The following POLE variants were observed in gnomAD, a reference collection of about 807,000 sequenced individuals.
POLE encodes DNA polymerase epsilon catalytic subunit A.
In POLE, 188 loss-of-function variants were observed where a neutral mutation model predicts 279.2. That is an observed-to-expected ratio of 0.67 (90% CI 0.60 to 0.76). The LOEUF (loss-of-function observed/expected upper bound fraction) is 0.76, where lower values mean the gene tolerates loss of function less well. POLE is among the 30% of genes least tolerant of loss of function. POLE has a pLI of 0.00. For synonymous variants in POLE, 1,214 were observed against 1,172.5 expected (o/e 1.04, Z -0.72); for missense variants, 2,703 against 3,016.7 (o/e 0.90, Z 2.44).
At chr12:132,658,705 C>T (rs1183873373) in intron 26 of POLE, 2 of 155,414 alleles carry the variant, frequency 1.3e-5, no homozygotes, top group African/African-American at 4.8e-5. Flanking sequence ...ATGATCCACT[C>T]GGCTCCATCA....
At chr12:132,672,934 AGG>A (rs2042964601) in intron 14 of POLE, 95 bp from the exon 15 acceptor site, 1 of 1,174,972 alleles carries the variant, frequency 8.5e-7, no homozygotes, top group East Asian at 2.6e-5. Context: ...TCAGTGTGAA[AGG>A]AGAGAAAACC....
rs1007432507 is a variant in POLE, at chr12:132,624,625, G to A, written c.*72C>T. The A allele has an allele frequency of 1.5e-5, 13 of 881,278 alleles. No homozygotes were observed. Among genetic ancestry groups the A allele is most frequent in the Middle Eastern group, 3.2e-4 (1 of 3,118 alleles). The allele number at this position is 881,278 out of a possible 1,614,324, so 54.6% of individuals were successfully genotyped here. On this transcript the variant is annotated 3_prime_UTR_variant, in exon 49 of 49. Transcript: ENST00000320574. ...AGGGTGGTCAGTGGTCTGGTCACTG[G>A]AAGCACGGGGATGTGGCCTTGGCAT... is the stretch of plus-strand genomic sequence containing the variant.
In POLE at chr12:132,624,919, T is replaced by A; in HGVS notation, c.6733A>T (p.Thr2245Ser). ...YCSCAGDFAL[T>S]IHTQVFMEQI... ...GGAGAGCCCACCTGGGTGTGGATGGTGAGGGCGAAGTCTCCCGCGCAGCTG... is the reference window on the plus strand; with the variant it reads ...GGAGAGCCCACCTGGGTGTGGATGGAGAGGGCGAAGTCTCCCGCGCAGCTG... Residue 2245 changes from threonine (T) to serine (S), a missense_variant, in exon 48 of 49, where the codon ACC becomes TCC. Physicochemically the swap from Thr to Ser is moderately conservative, Grantham distance 58. Transcript: ENST00000320574. 1 of 1,613,958 alleles carries A rather than the reference T, an allele frequency of 6.2e-7. No individual in the cohort carries two copies. Among genetic ancestry groups the A allele is most frequent in the South Asian group, 1.1e-5 (1 of 91,078 alleles).
At chr12:132,641,479 G>A in intron 39 of POLE, 168 bp downstream of exon 39, 1 of 630,544 alleles carries the variant, frequency 1.6e-6, no homozygotes. Context: ...GACCCCCACA[G>A]TGGTAAAGAC....
intron 45 of POLE, among the ~76,000 whole-genome samples, chr12:132,629,193 T>A (rs911362376): frequency 1.3e-5 from 2 of 152,258 alleles, no homozygotes; most frequent in Admixed American, 1.3e-4. Flanking sequence ...AGGTCCACTG[T>A]CAATGAGCAG....
At chr12:132,632,266 A>G (rs752314288) in intron 45 of POLE, 49 bp downstream of exon 45, 1 of 1,439,152 alleles carries the variant, frequency 6.9e-7, no homozygotes, top group South Asian at 1.2e-5. Flanking sequence ...TTCTCGCCTT[A>G]CACATGTACG....
At chr12:132,656,464 T>C (rs975412337) in intron 29 of POLE, among the ~76,000 whole-genome samples, 5 of 151,968 alleles carry the variant, frequency 3.3e-5, no homozygotes, top group Non-Finnish European at 7.4e-5. Context: ...GTTCACGCTG[T>C]TCTCCTGCCT....
chr12:132,657,934 C>T lies in POLE; in HGVS notation c.3312G>A (p.Thr1104=), dbSNP rs1026839284. 7.4e-6 allele frequency: 12 copies of T among 1,614,034 alleles called. No individual in the cohort carries two copies. Among genetic ancestry groups the T allele is most frequent in the East Asian group, 2.2e-5 (1 of 44,882 alleles). The change falls in exon 27 of 49, where the codon ACG becomes ACA. Residue 1104 remains threonine (T), a synonymous_variant. Coordinates refer to ENST00000320574, the MANE Select transcript of POLE (RefSeq NM_006231.4). The part of the protein sequence containing the change: ...IPLAIFQAEP[T]VRKHFLRKWL... ...ATTTCCGGAGAAAGTGCTTCCTCAC[C>T]GTGGGCTCTGCTTGGAAAATGGCAA...
rs139498590 is a variant in POLE, at chr12:132,643,860, T to C, written c.4267A>G (p.Ile1423Val). The C allele has an allele frequency of 1.0e-4, 165 of 1,614,042 alleles. 1 individual carries two copies. The highest frequency in any genetic ancestry group is 1.3e-4 in the Non-Finnish European group (150 of 1,180,010). The change falls in exon 33 of 49, where the codon ATC (isoleucine) becomes GTC (valine). Residue 1423 changes from isoleucine (I) to valine (V), a missense_variant. Ile to Val is a conservative substitution (Grantham distance 29). This residue lies in a region of POLE where 1,551 missense variants were observed against 1,686.1 expected (regional missense o/e 0.92). Transcript: ENST00000320574. Reference protein sequence around the residue: ...EINAELSAPDIEGVYETQVPL... With the variant: ...EINAELSAPDVEGVYETQVPL... ...ACCTGAGTCTCATATACGCCCTCGA[T>C]GTCTGGCGCTGACAGCTCAGCGTTG... is the stretch of plus-strand genomic sequence containing the variant.
chr12:132,630,502 C>G (rs1018404750), intron 45 of POLE, among the ~76,000 whole-genome samples: 2 of 152,180 alleles, frequency 1.3e-5, no homozygotes, highest in Admixed American at 1.3e-4. Context: ...GTAATCCCAG[C>G]ACTTTGGGAG....
At chr12:132,683,569 T>C (rs1477611833) in intron 1 of POLE, among the ~76,000 whole-genome samples, 1 of 152,244 alleles carries the variant, frequency 6.6e-6, no homozygotes, top group Non-Finnish European at 1.5e-5. Flanking sequence ...ATCTTTTAAA[T>C]AGTTGAATGC....
rs1483961211 is a variant in POLE at position 132,624,379 on chromosome 12, G to A, written c.*318C>T. 5 of 439,766 alleles carry A rather than the reference G, an allele frequency of 1.1e-5. No homozygotes were observed. Among genetic ancestry groups the A allele is most frequent in the Non-Finnish European group, 1.7e-5 (4 of 239,666 alleles). 27.2% of individuals were successfully genotyped at this position (439,766 alleles called of 1,614,324 possible). A position where few individuals can be genotyped will look rare whatever the true frequency, so the allele number is the denominator to read the frequency against. On this transcript the variant is annotated 3_prime_UTR_variant, in exon 49 of 49. Transcript: ENST00000320574. ...AGAGGACGCTCCCACCCCACCAGGTGTGGTGCAGGAAGCAACAGAGGCCTG... is the reference window on the plus strand; with the variant it reads ...AGAGGACGCTCCCACCCCACCAGGTATGGTGCAGGAAGCAACAGAGGCCTG...
rs767769851 is a variant in POLE at position 132,632,372 on chromosome 12, G to C, written c.6273C>G (p.Pro2091=). The C allele has an allele frequency of 6.2e-7, 1 of 1,614,062 alleles. No homozygotes were observed. The highest frequency in any genetic ancestry group is 8.5e-7 in the Non-Finnish European group (1 of 1,179,914). The change falls in exon 45 of 49, where the codon CCC becomes CCG. Residue 2091 remains proline (P), a synonymous_variant. Transcript: ENST00000320574. The part of the protein sequence containing the change: ...TELSEMFPVL[P]GSHLLLNNPA... ...GGTTATTGAGCAGCAAGTGGGAACC[G>C]GGGAGGACAGGAAACATCTCTGAGA... is the stretch of plus-strand genomic sequence containing the variant.
At position 132,676,103 on chromosome 12, in the gene POLE, T is replaced by G. The variant is rs780653256; in HGVS notation, c.1011A>C (p.Glu337Asp). Reference protein sequence around the residue: ...EYEGPFCVFNEPDEAHLIQRW... With the variant: ...EYEGPFCVFNDPDEAHLIQRW... ...AGTGATACCTCCTTACCTCATCGGG[T>G]TCATTGAAGACACAAAAGGGGCCTT... Residue 337 changes from glutamate (E) to aspartate (D), a missense_variant, in exon 10 of 49, where the codon GAA (glutamate) becomes GAC (aspartate). This residue lies in a region of POLE where 1,011 missense variants were observed against 1,111.7 expected (regional missense o/e 0.91). Transcript: ENST00000320574. The G allele has an allele frequency of 1.2e-6, 2 of 1,601,372 alleles. No individual in the cohort carries two copies. The highest frequency in any genetic ancestry group is 3.4e-5 in the Admixed American group (2 of 58,486).
At position 132,642,254 on chromosome 12, in the gene POLE, G is replaced by A. The variant is rs2138529934; in HGVS notation, c.5096C>T (p.Ala1699Val). 6.2e-7 allele frequency: 1 copy of A among 1,611,754 alleles called. No individual in the cohort carries two copies. The change falls in exon 38 of 49, where the codon GCT becomes GTT. Residue 1699 changes from alanine to valine, a missense_variant. This residue lies in a region of POLE where 1,551 missense variants were observed against 1,686.1 expected (regional missense o/e 0.92). Coordinates refer to ENST00000320574, the MANE Select transcript of POLE (RefSeq NM_006231.4). ...CTCCATGACAAGACAGTTGTCATCA[G>A]CCTCCTTTCCACCCAGGTCAGGGCG... is the stretch of plus-strand genomic sequence containing the variant. ...TARPDLGGKE[A>V]DDNCLVMEFD...
intron 33 of POLE, 113 bp from the exon 34 acceptor site, chr12:132,643,673 C>A: frequency 6.6e-7 from 1 of 1,513,540 alleles, no homozygotes; most frequent in South Asian, 1.2e-5. Flanking sequence ...GGCCCACTGC[C>A]CAAAGGCCAC....
chr12:132,661,215 G>A lies in POLE; in HGVS notation c.2865-51C>T. 6.7e-7 allele frequency: 1 copy of A among 1,484,608 alleles called. No individual in the cohort carries two copies. The highest frequency in any genetic ancestry group is 9.1e-7 in the Non-Finnish European group (1 of 1,101,206). 92.0% of individuals were successfully genotyped at this position (1,484,608 alleles called of 1,614,324 possible). On this transcript the variant is annotated intron_variant, in intron 24 of 48. Transcript: ENST00000320574. This position sits in a 1 kb window ranked among gnomAD's most constrained non-coding sequence, Gnocchi z 4.1. ...CAGCAGTGGCAAGGAGCGCTGGGGA[G>A]CCACCAGCTGTGCCTCATCCTCTCT... is the stretch of plus-strand genomic sequence containing the variant.
chr12:132,641,279 G>A, intron 39 of POLE: 3 of 375,584 alleles, frequency 8.0e-6, no homozygotes, highest in South Asian at 6.2e-5. Flanking sequence ...CTCTGCAGCA[G>A]ACCGACGGCT....
In POLE at chr12:132,667,559, C is replaced by T. The variant is rs1222472060; in HGVS notation, c.2263G>A (p.Val755Met). 1.2e-6 allele frequency: 2 copies of T among 1,613,814 alleles called. No individual in the cohort carries two copies. The highest frequency in any genetic ancestry group is 8.5e-7 in the Non-Finnish European group (1 of 1,180,014). ...TICQRENSFY[V>M]DTVRAFRDRR... is the part of the protein sequence containing the mutation. ...TCCCGGAAGGCACGCACGGTGTCCACGTAGAAGGAGTTTTCCCGCTGGCAG... is the reference window on the plus strand; with the variant it reads ...TCCCGGAAGGCACGCACGGTGTCCATGTAGAAGGAGTTTTCCCGCTGGCAG... The change falls in exon 20 of 49, where the codon GTG (valine) becomes ATG (methionine). Residue 755 changes from valine (V) to methionine (M), a missense_variant. Physicochemically the swap from Val to Met is conservative, Grantham distance 21 (BLOSUM62 1). Transcript: ENST00000320574.
Sources: allele counts gnomAD v4.1 joint callset (sites outside exome capture counted in the v4.1 genomes callset), GRCh38; gene constraint gnomAD v4.1.1; regional missense constraint gnomAD v4.1.1; non-coding constraint Gnocchi (gnomAD v3.1); transcripts MANE v1.5; gene names NCBI Gene and HGNC (gene_info 2026-07-23, HGNC 2026-07-21).